The following EPB41 variants were observed in gnomAD, a reference collection of about 807,000 sequenced individuals.
The protein encoded by EPB41 is erythrocyte membrane protein band 4.1.
Under a neutral mutation model 108.0 loss-of-function variants are expected in EPB41, and 65 were observed. The ratio of observed to expected loss-of-function variants is 0.60; its 90% confidence interval spans 0.49 to 0.74. EPB41 has a LOEUF of 0.74. Ranked by LOEUF, EPB41 falls within the 30% of genes least tolerant of loss-of-function variation. EPB41 has a pLI of 0.00. For synonymous variants in EPB41, 336 were observed against 358.9 expected (o/e 0.94, Z 0.72); for missense variants, 875 against 1,037.0 (o/e 0.84, Z 2.15).
At chr1:29,000,396 A>T (rs1023974464) in intron 4 of EPB41, among the ~76,000 whole-genome samples, 1 of 152,202 alleles carries the variant, frequency 6.6e-6, no homozygotes, top group Non-Finnish European at 1.5e-5. Flanking sequence ...CACTGCACCC[A>T]ACCGTAATTA....
intron 17 of EPB41, among the ~76,000 whole-genome samples, chr1:29,108,453 CT>C (rs1667984364): frequency 1.3e-5 from 2 of 151,658 alleles, no homozygotes; most frequent in African/African-American, 4.8e-5. Flanking sequence ...CGGCCCCTGC[CT>C]CCTATTTCTG....
chr1:29,071,969 A>G (rs183620605), intron 16 of EPB41: 2 of 152,308 alleles, frequency 1.3e-5, no homozygotes, highest in East Asian at 3.9e-4. Flanking sequence ...GCAAAAAAAG[A>G]GAACAGTAAA....
intron 1 of EPB41, among the ~76,000 whole-genome samples, chr1:28,921,599 C>A (rs77632355): frequency 0.027 from 4,091 of 151,916 alleles, 192 homozygotes; most frequent in East Asian, 0.2. Context: ...CTGTTTCTTG[C>A]CCTTTTCTCT....
rs758973086 is a variant in EPB41, at chr1:29,033,172, G to A, written c.1292G>A (p.Arg431His). The A allele has an allele frequency of 2.2e-5, 35 of 1,613,760 alleles. No homozygotes were observed. The East Asian group carries it at 6.2e-4, about 29-fold the overall frequency. ...TACAAAGATAAGCTGAGAATTAACC[G>A]CTTCCCTTGGCCCAAAGTGCTGAAG... ...LVYKDKLRIN[R>H]FPWPKVLKIS... The change falls in exon 9 of 21, where the codon CGC (arginine) becomes CAC (histidine). Residue 431 changes from arginine to histidine, a missense_variant. This residue lies in a region of EPB41 where 519 missense variants were observed against 627.3 expected (regional missense o/e 0.83). Transcript: ENST00000343067.
At chr1:29,109,090 C>G (rs1356522325) in intron 17 of EPB41, among the ~76,000 whole-genome samples, 1 of 151,420 alleles carries the variant, frequency 6.6e-6, no homozygotes, top group East Asian at 2.0e-4. Context: ...CCCAGCTACT[C>G]AGGAGGCTGA....
intron 1 of EPB41, among the ~76,000 whole-genome samples, chr1:28,984,781 C>G (rs1366477615): frequency 1.3e-5 from 2 of 151,920 alleles, no homozygotes; most frequent in Non-Finnish European, 1.5e-5. Context: ...CCTCAGCTTC[C>G]CAAGTAGCTG....
At chr1:29,076,644 TTA>T (rs1393772360) in intron 16 of EPB41, among the ~76,000 whole-genome samples, 13 of 152,232 alleles carry the variant, frequency 8.5e-5, no homozygotes, top group African/African-American at 2.9e-4. Context: ...AACATTCTGA[TTA>T]TGATTTATAC....
chr1:28,984,542 A>T (rs542717717), intron 1 of EPB41, among the ~76,000 whole-genome samples: 1 of 152,206 alleles, frequency 6.6e-6, no homozygotes, highest in Non-Finnish European at 1.5e-5. Context: ...TGTTGAATGA[A>T]TCAATTAGTA....
intron 1 of EPB41, among the ~76,000 whole-genome samples, chr1:28,929,053 A>C (rs959070442): frequency 1.3e-5 from 2 of 152,124 alleles, no homozygotes; most frequent in Non-Finnish European, 2.9e-5. Context: ...CCCTTTTAGA[A>C]CTGCCGAAAT....
Position 29,095,215 on chromosome 1 carries a change from C to T in EPB41, c.2185-2592C>T, listed in dbSNP as rs531974188. ...GCCCAGGAGGGAACTCTTGTGTTTCCGGAATTTATTTCTCTTGGAGGTTGG... is the reference window on the plus strand; with the variant it reads ...GCCCAGGAGGGAACTCTTGTGTTTCTGGAATTTATTTCTCTTGGAGGTTGG... On this transcript the variant is annotated intron_variant, in intron 16 of 20. Coordinates refer to ENST00000343067, the MANE Select transcript of EPB41 (RefSeq NM_001376013.1). Among the ~76,000 whole-genome samples, 8 of 152,188 alleles carry T rather than the reference C, an allele frequency of 5.3e-5. No individual in the cohort carries two copies. The South Asian group carries it at 1.2e-3, about 24-fold the overall frequency.
chr1:28,960,001 C>CT lies in EPB41; in HGVS notation c.-7-27414dup, dbSNP rs776338332. 8.9e-3 allele frequency among the ~76,000 whole-genome samples: 1,142 copies of CT among 128,176 alleles called. 17 individuals are homozygous for CT. Among genetic ancestry groups the CT allele is most frequent in the South Asian group, 0.023 (92 of 3,932 alleles). The allele number at this position is 128,176 out of a possible 152,430, so 84.1% of individuals were successfully genotyped here. On this transcript the variant is annotated intron_variant, in intron 1 of 20. Coordinates refer to ENST00000343067, the MANE Select transcript of EPB41 (RefSeq NM_001376013.1). Reference sequence around the variant, plus strand: ...GAGGCCCTTTCTTTTTTTTTCTTTTCTTTTTTTTTTTTTTTTGAGACAGGA... The same window carrying CT: ...GAGGCCCTTTCTTTTTTTTTCTTTTCTTTTTTTTTTTTTTTTTGAGACAGGA...
In EPB41 at chr1:29,018,614, T is replaced by A. The variant is rs1296184122; in HGVS notation, c.1124+172T>A. On this transcript the variant is annotated intron_variant, in intron 7 of 20. Coordinates refer to ENST00000343067, the MANE Select transcript of EPB41 (RefSeq NM_001376013.1). This position sits in a 1 kb window ranked among gnomAD's most constrained non-coding sequence, Gnocchi z 4.4. ...TTAACCTCTCTTAATCTAAGCTTTC[T>A]CATCAGAGTAATAGGCATTGCATTG... 2.0e-5 allele frequency among the ~76,000 whole-genome samples: 3 copies of A among 152,230 alleles called. No homozygotes were observed. The highest frequency in any genetic ancestry group is 7.2e-5 in the African/African-American group (3 of 41,452).
At chr1:29,099,297 A>G (rs1664430718) in intron 17 of EPB41, among the ~76,000 whole-genome samples, 1 of 149,914 alleles carries the variant, frequency 6.7e-6, no homozygotes, top group Non-Finnish European at 1.5e-5. Context: ...GAAGAAGAAG[A>G]AGAGATTACT....
intron 5 of EPB41, among the ~76,000 whole-genome samples, chr1:29,014,055 G>A (rs1264249679): frequency 2.6e-5 from 4 of 151,814 alleles, no homozygotes; most frequent in Non-Finnish European, 5.9e-5. Context: ...AGTGGCTCAC[G>A]CCTGTAATCC....
intron 8 of EPB41, 93 bp downstream of exon 8, chr1:29,030,580 A>G: frequency 1.0e-6 from 1 of 984,430 alleles, no homozygotes; most frequent in South Asian, 1.3e-5. Context: ...GTCATATAAT[A>G]CTTTTTAACA....
chr1:29,028,558 G>C (rs1187402530), intron 7 of EPB41, among the ~76,000 whole-genome samples: 1 of 152,130 alleles, frequency 6.6e-6, no homozygotes, highest in Non-Finnish European at 1.5e-5. Flanking sequence ...GGAGACACTG[G>C]CTGGCCACTT....
At chr1:29,073,501 A>G (rs1487501117) in intron 16 of EPB41, among the ~76,000 whole-genome samples, 1 of 152,242 alleles carries the variant, frequency 6.6e-6, no homozygotes, top group African/African-American at 2.4e-5. Flanking sequence ...AAACACAAAA[A>G]CATACATTAA....
chr1:28,956,790 C>T (rs2094966128), intron 1 of EPB41, among the ~76,000 whole-genome samples: 1 of 152,162 alleles, frequency 6.6e-6, no homozygotes, highest in Non-Finnish European at 1.5e-5. Flanking sequence ...ATTTCAAATA[C>T]AGATAAACCT....
chr1:29,069,424 T>C (rs1650169577), intron 16 of EPB41: 2 of 1,226,484 alleles, frequency 1.6e-6, no homozygotes, highest in East Asian at 6.4e-5. Flanking sequence ...AAGTAATGTA[T>C]AAACCTTCAT....
Sources: allele counts gnomAD v4.1 joint callset (sites outside exome capture counted in the v4.1 genomes callset), GRCh38; gene constraint gnomAD v4.1.1; regional missense constraint gnomAD v4.1.1; non-coding constraint Gnocchi (gnomAD v3.1); transcripts MANE v1.5; gene names NCBI Gene and HGNC (gene_info 2026-07-23, HGNC 2026-07-21).